Variants in DDX25 observed in about 807,000 individuals in gnomAD.
DDX25 encodes the protein ATP-dependent RNA helicase DDX25.
In DDX25, 70 loss-of-function variants were observed where a neutral mutation model predicts 64.6. The observed-to-expected ratio is 1.08, with a 90% CI of 0.89 to 1.32. DDX25 has a LOEUF of 1.32. DDX25 is among the 40% of genes most tolerant of loss of function. DDX25 has a pLI of 0.00. For synonymous variants in DDX25, 211 were observed against 213.3 expected (o/e 0.99, Z 0.09); for missense variants, 587 against 604.4 (o/e 0.97, Z 0.30).
chr11:125,922,914 G>A lies in DDX25; in HGVS notation c.*33G>A. Reference sequence around the variant, plus strand: ...ACTTTATTGTTTGTGCAGTATCCTAGTTTATGTGAGAATGTCTCAGTGGGT... The same window carrying A: ...ACTTTATTGTTTGTGCAGTATCCTAATTTATGTGAGAATGTCTCAGTGGGT... On this transcript the variant is annotated 3_prime_UTR_variant, in exon 12 of 12. Transcript: ENST00000263576. 1 of 1,570,716 alleles carries A rather than the reference G, an allele frequency of 6.4e-7. No individual in the cohort carries two copies.
chr11:125,905,966 T>C, intron 3 of DDX25, 108 bp from the exon 4 acceptor site: 8 of 1,351,252 alleles, frequency 5.9e-6, no homozygotes, highest in Non-Finnish European at 7.9e-6. Context: ...AGAGGAAAAA[T>C]GAGCGTAGGT....
chr11:125,919,229 ATTT>A (rs1156787566), intron 10 of DDX25, among the ~76,000 whole-genome samples: 1 of 152,156 alleles, frequency 6.6e-6, no homozygotes, highest in Non-Finnish European at 1.5e-5. Flanking sequence ...TTGTGGCTAT[ATTT>A]AACAAGGCAG....
rs144303968 is a variant in DDX25 at position 125,907,404 on chromosome 11, C to G, written c.312-792C>G. 6.7e-3 allele frequency among the ~76,000 whole-genome samples: 1,022 copies of G among 152,062 alleles called. 22 individuals are homozygous for G. Among genetic ancestry groups the G allele is most frequent in the African/African-American group, 0.02 (843 of 41,476 alleles). On this transcript the variant is annotated intron_variant, in intron 4 of 11. Transcript: ENST00000263576. ...GGGGCGGATCACGAGGTCAGGAGATCGAGACCATCCTGGCTAACACAGTGA... is the reference window on the plus strand; with the variant it reads ...GGGGCGGATCACGAGGTCAGGAGATGGAGACCATCCTGGCTAACACAGTGA...
chr11:125,925,203 C>T lies in DDX25; in HGVS notation c.*2322C>T, dbSNP rs1945156686. ...GGGTGTCCTAAATAAAACTTTACCA[C>T]TTTCCTTTACAGTTCAAATCTCTGG... On this transcript the variant is annotated 3_prime_UTR_variant, in exon 12 of 12. Transcript: ENST00000263576. 12 of 337,178 alleles carry T rather than the reference C, an allele frequency of 3.6e-5. 1 individual carries two copies. Among genetic ancestry groups the T allele is most frequent in the South Asian group, 2.3e-4 (10 of 43,886 alleles). The allele number at this position is 337,178 out of a possible 1,614,324, so 20.9% of individuals were successfully genotyped here.
In DDX25 at chr11:125,928,644, C is replaced by T. The variant is rs1945187262; in HGVS notation, c.*5763C>T. 1 of 152,148 alleles carries T rather than the reference C, an allele frequency of 6.6e-6. No homozygotes were observed. Among genetic ancestry groups the T allele is most frequent in the Non-Finnish European group, 1.5e-5 (1 of 68,002 alleles). 9.4% of individuals were successfully genotyped at this position (152,148 alleles called of 1,614,324 possible). A position where few individuals can be genotyped will look rare whatever the true frequency, so the allele number is the denominator to read the frequency against. On this transcript the variant is annotated 3_prime_UTR_variant, in exon 12 of 12. Transcript: ENST00000263576. Reference sequence around the variant, plus strand: ...TTTTCATTTTAAAATTGCTTGGTAACTTTTCTGGTTTATGTTTCTCTTAGT... The same window carrying T: ...TTTTCATTTTAAAATTGCTTGGTAATTTTTCTGGTTTATGTTTCTCTTAGT...
intron 7 of DDX25, 40 bp from the exon 8 acceptor site, chr11:125,911,271 T>C: frequency 6.4e-7 from 1 of 1,560,904 alleles, no homozygotes; most frequent in Non-Finnish European, 8.7e-7. Flanking sequence ...GTTGGAGTTG[T>C]TTGCATCTGA....
intron 2 of DDX25, 121 bp from the exon 3 acceptor site, chr11:125,905,422 CATTCCTCCAT>C: frequency 7.5e-7 from 1 of 1,327,218 alleles, no homozygotes; most frequent in Non-Finnish European, 1.0e-6. Flanking sequence ...TCGTTTCGTC[CATTCCTCCAT>C]GAAATGACTC....
intron 6 of DDX25, 78 bp downstream of exon 6, chr11:125,908,581 A>G: frequency 4.7e-6 from 6 of 1,277,806 alleles, no homozygotes; most frequent in Non-Finnish European, 6.8e-6. Context: ...TTCCTGTGCA[A>G]TGATATGGTT....
intron 10 of DDX25, among the ~76,000 whole-genome samples, chr11:125,919,442 A>G (rs907345132): frequency 1.3e-5 from 2 of 152,140 alleles, no homozygotes; most frequent in Non-Finnish European, 1.5e-5. Flanking sequence ...TAGTGGCTGT[A>G]TACTGGGATC....
At chr11:125,910,868 C>T (rs962268742) in intron 7 of DDX25, among the ~76,000 whole-genome samples, 9 of 149,544 alleles carry the variant, frequency 6.0e-5, no homozygotes, top group African/African-American at 2.2e-4. Context: ...CTTCCAGAAA[C>T]GTAATGCCAA....
In DDX25 at chr11:125,917,010, A is replaced by T. The variant is rs766014409; in HGVS notation, c.801-4A>T. 6.3e-7 allele frequency: 1 copy of T among 1,582,990 alleles called. No homozygotes were observed. Among genetic ancestry groups the T allele is most frequent in the Non-Finnish European group, 8.6e-7 (1 of 1,163,812 alleles). On this transcript the variant is annotated splice_polypyrimidine_tract_variant and splice_region_variant and intron_variant, in intron 8 of 11. Transcript: ENST00000263576. ...TGGTGACAGCCTTCTCTCCTCTATC[A>T]CAGAGCTCTACCCTCCGAATGCCAA... is the stretch of plus-strand genomic sequence containing the variant.
At chr11:125,906,775 G>A (rs1483839586) in intron 4 of DDX25, among the ~76,000 whole-genome samples, 4 of 140,932 alleles carry the variant, frequency 2.8e-5, no homozygotes, top group Admixed American at 7.7e-5. Context: ...GCAGTGAGCC[G>A]AGACACCATT....
chr11:125,914,147 C>T (rs984239785), intron 8 of DDX25, among the ~76,000 whole-genome samples: 13 of 152,272 alleles, frequency 8.5e-5, no homozygotes, highest in South Asian at 6.2e-4. Flanking sequence ...TTGTTTGCTA[C>T]AGCCTCTTTC....
At position 125,922,702 on chromosome 11, in the gene DDX25, T is replaced by C. The variant is rs1221271438; in HGVS notation, c.1391-118T>C. 5 of 866,434 alleles carry C rather than the reference T, an allele frequency of 5.8e-6. No individual in the cohort carries two copies. The East Asian group carries it at 1.1e-4, about 19-fold the overall frequency. 53.7% of individuals were successfully genotyped at this position (866,434 alleles called of 1,614,324 possible). A position where few individuals can be genotyped will look rare whatever the true frequency, so the allele number is the denominator to read the frequency against. ...AGTGATTTTGGCACCCTTCCTTCCT[T>C]ATGTTCCTATACCAAGGCTTTTTAT... is the stretch of plus-strand genomic sequence containing the variant. On this transcript the variant is annotated intron_variant, in intron 11 of 11. Coordinates refer to ENST00000263576, the MANE Select transcript of DDX25 (RefSeq NM_013264.5).
chr11:125,904,481 G>C, upstream of DDX25: 1 of 1,461,188 alleles, frequency 6.8e-7, no homozygotes, highest in Non-Finnish European at 9.0e-7. Flanking sequence ...GCCGGTGGTG[G>C]AAGCACGTGC....
At chr11:125,912,075 G>A in intron 8 of DDX25, among the ~76,000 whole-genome samples, 1 of 152,204 alleles carries the variant, frequency 6.6e-6, no homozygotes, top group East Asian at 1.9e-4. Flanking sequence ...CATACTCAAT[G>A]TTAAATTCAA....
At chr11:125,919,553 C>CT (rs376752578) in intron 10 of DDX25, among the ~76,000 whole-genome samples, 25,980 of 126,888 alleles carry the variant, frequency 0.2, 2,646 homozygotes, top group Admixed American at 0.29. Flanking sequence ...GAAAAAAATC[C>CT]TTTTTTTTTT....
chr11:125,917,218 C>G lies in DDX25; in HGVS notation c.1005C>G (p.Ser335Arg), dbSNP rs778503027. 6.2e-7 allele frequency: 1 copy of G among 1,609,098 alleles called. No homozygotes were observed. Among genetic ancestry groups the G allele is most frequent in the Non-Finnish European group, 8.5e-7 (1 of 1,177,958 alleles). Reference protein sequence around the residue: ...KYQALCNIYGSITIGQAIIFC... With the variant: ...KYQALCNIYGRITIGQAIIFC... ...AAGCTCTGTGCAACATTTATGGCAGCATCACCATTGGTCAGGCCATCATCT... is the reference window on the plus strand; with the variant it reads ...AAGCTCTGTGCAACATTTATGGCAGGATCACCATTGGTCAGGCCATCATCT... Residue 335 changes from serine (S) to arginine (R), a missense_variant, in exon 9 of 12, where the codon AGC becomes AGG. Physicochemically the swap from Ser to Arg is moderately radical, Grantham distance 110. Transcript: ENST00000263576.
chr11:125,907,435 C>T lies in DDX25; in HGVS notation c.312-761C>T, dbSNP rs199786871. Among the ~76,000 whole-genome samples the T allele has an allele frequency of 2.4e-3, 367 of 152,168 alleles. 1 individual carries two copies. Among genetic ancestry groups the T allele is most frequent in the Middle Eastern group, 6.8e-3 (2 of 294 alleles). On this transcript the variant is annotated intron_variant, in intron 4 of 11. Coordinates refer to ENST00000263576, the MANE Select transcript of DDX25 (RefSeq NM_013264.5). ...CATCCTGGCTAACACAGTGAAACCC[C>T]GTCTCTACTAAAAATACAAAAAATT... is the stretch of plus-strand genomic sequence containing the variant.
Sources: gnomAD v4.1 joint callset for allele counts (sites outside exome capture counted in the v4.1 genomes callset) on GRCh38, gnomAD v4.1.1 for gene constraint, MANE v1.5 for transcripts, NCBI Gene and HGNC (gene_info 2026-07-23, HGNC 2026-07-21) for gene names.